Variants in SV2C observed in about 807,000 individuals in gnomAD.
SV2C encodes solute carrier family 22 member B3.
SV2C carries 49 observed loss-of-function variants against 79.7 expected under a neutral mutation model. That is an observed-to-expected ratio of 0.61 (90% CI 0.49 to 0.78). The LOEUF (loss-of-function observed/expected upper bound fraction) is 0.78, where lower values mean the gene tolerates loss of function less well. SV2C is among the 30% of genes least tolerant of loss of function. SV2C has a pLI of 0.00. For synonymous variants in SV2C, 334 were observed against 333.2 expected (o/e 1.00, Z -0.03); for missense variants, 833 against 912.9 (o/e 0.91, Z 1.13).
At chr5:76,211,913 G>T (rs1462687884) in intron 4 of SV2C, among the ~76,000 whole-genome samples, 1 of 152,132 alleles carries the variant, frequency 6.6e-6, no homozygotes, top group Admixed American at 6.5e-5. Context: ...TAAGGAATTG[G>T]TTACTTGGCC....
At chr5:76,112,324 A>G (rs954764953) in intron 1 of SV2C, among the ~76,000 whole-genome samples, 15 of 152,206 alleles carry the variant, frequency 9.9e-5, no homozygotes, top group African/African-American at 2.9e-4. Flanking sequence ...TTGAAAGAAC[A>G]CCAAAAGGAA....
chr5:76,338,249 T>A (rs990154863), downstream of SV2C, among the ~76,000 whole-genome samples: 3 of 152,230 alleles, frequency 2.0e-5, no homozygotes, highest in African/African-American at 7.2e-5. Context: ...TGACTCCAAG[T>A]GCACCAGCAG....
chr5:76,258,793 A>T (rs1746377200), intron 4 of SV2C, among the ~76,000 whole-genome samples: 1 of 152,218 alleles, frequency 6.6e-6, no homozygotes, highest in African/African-American at 2.4e-5. Context: ...GATATAGAAC[A>T]TTCCCATCAC....
the SV2C span, among the ~76,000 whole-genome samples, chr5:75,924,848 G>C: frequency 1.3e-5 from 2 of 152,022 alleles, no homozygotes; most frequent in African/African-American, 2.4e-5. Context: ...ATCTAGGAAT[G>C]GGGGAGACCT....
At chr5:76,082,501 T>TCTCTCTCTCTCTCC (rs757634713), upstream of SV2C, 1 of 151,176 alleles carries the variant, frequency 6.6e-6, no homozygotes, top group East Asian at 2.0e-4. Context: ...CAAGCAAAAT[T>TCTCTCTCTCTCTCC]CTCTCTCTCT....
Position 76,149,062 on chromosome 5 carries a change from T to C in SV2C, c.580+16732T>C, listed in dbSNP as rs575273544. 3.9e-5 allele frequency among the ~76,000 whole-genome samples: 6 copies of C among 152,280 alleles called. No homozygotes were observed. The South Asian group carries it at 1.2e-3, about 32-fold the overall frequency. On this transcript the variant is annotated intron_variant, in intron 2 of 12. Coordinates refer to ENST00000502798, the MANE Select transcript of SV2C (RefSeq NM_014979.4). ...TTGTTGTTGATCTGAAATTCAAATG[T>C]CACCGGGCAACCCTACCACTAGTGT...
the SV2C span, among the ~76,000 whole-genome samples, chr5:75,963,621 A>G: frequency 1.3e-5 from 2 of 151,918 alleles, no homozygotes; most frequent in Non-Finnish European, 2.9e-5. Flanking sequence ...ACATTTTACC[A>G]TGGTGTGCTT....
chr5:76,049,027 A>AAAGAAAGAAAAAG, the SV2C span, among the ~76,000 whole-genome samples: 2 of 41,068 alleles, frequency 4.9e-5, 1 homozygote, highest in African/African-American at 1.5e-4. Context: ...AAGAAAGAAA[A>AAAGAAAGAAAAAG]AGAAAAGAGG....
chr5:75,900,379 T>A, the SV2C span, among the ~76,000 whole-genome samples: 4 of 152,366 alleles, frequency 2.6e-5, no homozygotes, highest in African/African-American at 9.6e-5. Context: ...TTTAAGAATG[T>A]TGAATATTGG....
At chr5:76,032,006 A>C in the SV2C span, among the ~76,000 whole-genome samples, 1 of 152,356 alleles carries the variant, frequency 6.6e-6, no homozygotes, top group South Asian at 2.1e-4. Flanking sequence ...TAAGACCCAA[A>C]GCAAACCTAC....
At chr5:76,275,586 A>G (rs1747002368) in intron 4 of SV2C, among the ~76,000 whole-genome samples, 1 of 152,186 alleles carries the variant, frequency 6.6e-6, no homozygotes, top group Admixed American at 6.5e-5. Flanking sequence ...CCAGACAAGA[A>G]CATGAAAGCC....
At chr5:76,030,782 G>GA in the SV2C span, among the ~76,000 whole-genome samples, 3 of 151,008 alleles carry the variant, frequency 2.0e-5, no homozygotes, top group African/African-American at 4.9e-5. Flanking sequence ...GAAAGAAAAA[G>GA]AAAAAAAAGA....
chr5:76,318,850 T>C (rs939764395), intron 12 of SV2C, among the ~76,000 whole-genome samples: 3 of 152,174 alleles, frequency 2.0e-5, no homozygotes, highest in Admixed American at 2.0e-4. Context: ...AAAACATATT[T>C]GATCTGAAAA....
At chr5:76,132,830 T>C (rs1748948749) in intron 2 of SV2C, among the ~76,000 whole-genome samples, 1 of 152,108 alleles carries the variant, frequency 6.6e-6, no homozygotes, top group African/African-American at 2.4e-5. Flanking sequence ...TAATTTTTTC[T>C]ATTATCTATG....
intron 12 of SV2C, among the ~76,000 whole-genome samples, chr5:76,313,388 A>G (rs931023282): frequency 6.6e-6 from 1 of 152,160 alleles, no homozygotes; most frequent in Non-Finnish European, 1.5e-5. Flanking sequence ...CTATCCAGCA[A>G]AAGTCAGATT....
At chr5:76,318,313 GA>G (rs1379610352) in intron 12 of SV2C, among the ~76,000 whole-genome samples, 6 of 152,208 alleles carry the variant, frequency 3.9e-5, no homozygotes, top group Non-Finnish European at 7.4e-5. Flanking sequence ...AGCTACTTGG[GA>G]GGCTGAGGCA....
chr5:75,941,558 A>G, the SV2C span, among the ~76,000 whole-genome samples: 2 of 152,166 alleles, frequency 1.3e-5, no homozygotes, highest in Admixed American at 1.3e-4. Flanking sequence ...AATTCTAGTA[A>G]TAGAAATTTA....
At chr5:76,053,505 A>G in the SV2C span, among the ~76,000 whole-genome samples, 43 of 152,324 alleles carry the variant, frequency 2.8e-4, no homozygotes, top group Middle Eastern at 0.024. Flanking sequence ...TATACTAGTC[A>G]AAGACCAAGT....
chr5:75,911,690 T>C, the SV2C span: 1 of 668,050 alleles, frequency 1.5e-6, no homozygotes, highest in African/African-American at 1.8e-5. Flanking sequence ...ACATCTCAGA[T>C]TGCTTCAGAG....
Sources: allele counts gnomAD v4.1 joint callset (sites outside exome capture counted in the v4.1 genomes callset), GRCh38; gene constraint gnomAD v4.1.1; transcripts MANE v1.5; gene names NCBI Gene and HGNC (gene_info 2026-07-23, HGNC 2026-07-21).